SEMA5A: variants seen among roughly 807,000 people sequenced by gnomAD.
The protein encoded by SEMA5A is semaphorin 5A, also known as semaphorin-5A.
A neutral mutation model predicts 135.5 loss-of-function variants in SEMA5A; 55 were observed. That is an observed-to-expected ratio of 0.41 (90% CI 0.33 to 0.51). The LOEUF is 0.51. Ranked by LOEUF, SEMA5A falls within the 20% of genes least tolerant of loss-of-function variation. SEMA5A has a pLI of 0.37. For missense variants in SEMA5A, 1,290 were observed against 1,419.9 expected, an observed-to-expected ratio of 0.91 and a Z score of 1.47; for synonymous variants, 580 against 546.5, an observed-to-expected ratio of 1.06 and a Z score of -0.85.
chr5:9,164,340 A>G (rs1316281703), intron 11 of SEMA5A, among the ~76,000 whole-genome samples: 2 of 146,756 alleles, frequency 1.4e-5, no homozygotes, highest in Non-Finnish European at 3.0e-5. Context: ...GGATATAGAA[A>G]TAATAGATTC....
chr5:9,403,984 G>C (rs947308660), intron 2 of SEMA5A, among the ~76,000 whole-genome samples: 2 of 152,170 alleles, frequency 1.3e-5, no homozygotes, highest in Non-Finnish European at 2.9e-5. Flanking sequence ...GCCCAGGCTG[G>C]AGTACAGTGG....
rs1398289601 is a variant in SEMA5A at position 9,122,702 on chromosome 5, C to G, written c.1735G>C (p.Gly579Arg). Residue 579 changes from glycine to arginine, a missense_variant, in exon 14 of 23, where the codon GGC becomes CGC. By Grantham distance (125) the Gly-to-Arg change is moderately radical. Transcript: ENST00000382496. ...ATGCCAGGGCCCTCGCACTGCCAGC[C>G]ACCACACTGCGGGGCCGGGCTGTCG... Reference protein sequence around the residue: ...SCDSPAPQCGGWQCEGPGMEI... With the variant: ...SCDSPAPQCGRWQCEGPGMEI... 1 of 1,612,494 alleles carries G rather than the reference C, an allele frequency of 6.2e-7. No homozygotes were observed. Among genetic ancestry groups the G allele is most frequent in the South Asian group, 1.1e-5 (1 of 90,882 alleles).
intron 1 of SEMA5A, among the ~76,000 whole-genome samples, chr5:9,492,139 G>A (rs1014920342): frequency 1.5e-4 from 23 of 152,168 alleles, no homozygotes; most frequent in African/African-American, 5.5e-4. Context: ...ATAAGCAATG[G>A]AGCTCGTATT....
At chr5:9,299,195 C>T (rs113761812) in intron 5 of SEMA5A, among the ~76,000 whole-genome samples, 1 of 152,126 alleles carries the variant, frequency 6.6e-6, no homozygotes, top group African/African-American at 2.4e-5. Context: ...TAGAGATCAT[C>T]TATTCATCTG....
At chr5:9,335,858 T>C (rs1753367395) in intron 4 of SEMA5A, among the ~76,000 whole-genome samples, 1 of 152,188 alleles carries the variant, frequency 6.6e-6, no homozygotes. Flanking sequence ...TCTTTGAGCT[T>C]CTATAAGCAG....
At chr5:9,205,756 G>A in intron 8 of SEMA5A, among the ~76,000 whole-genome samples, 1 of 152,174 alleles carries the variant, frequency 6.6e-6, no homozygotes, top group South Asian at 2.1e-4. Flanking sequence ...GGTCATGTTG[G>A]TCAGGGAGTG....
intron 11 of SEMA5A, among the ~76,000 whole-genome samples, chr5:9,173,254 C>A (rs1303334531): frequency 2.0e-5 from 3 of 148,216 alleles, no homozygotes; most frequent in African/African-American, 7.5e-5. Context: ...AAATTCCAGA[C>A]AGGGAAAGTT....
intron 8 of SEMA5A, among the ~76,000 whole-genome samples, chr5:9,222,187 C>T (rs147530878): frequency 2.1e-3 from 320 of 152,264 alleles, no homozygotes; most frequent in African/African-American, 7.2e-3. Flanking sequence ...CCAATTAGGC[C>T]AGGAAGGATA....
At chr5:9,193,897 A>AAAAAC (rs1274416484) in intron 10 of SEMA5A, among the ~76,000 whole-genome samples, 3 of 152,192 alleles carry the variant, frequency 2.0e-5, no homozygotes, top group African/African-American at 7.2e-5. Flanking sequence ...ACTCTGTCTC[A>AAAAAC]AAAACAAAAC....
intron 18 of SEMA5A, among the ~76,000 whole-genome samples, chr5:9,060,188 A>G (rs2150061152): frequency 6.6e-6 from 1 of 152,354 alleles, no homozygotes; most frequent in Middle Eastern, 3.4e-3. Flanking sequence ...AACACTCTGC[A>G]GAATCTTGGC....
At chr5:9,413,248 G>T (rs1289063585) in intron 2 of SEMA5A, among the ~76,000 whole-genome samples, 1 of 152,134 alleles carries the variant, frequency 6.6e-6, no homozygotes, top group Non-Finnish European at 1.5e-5. Flanking sequence ...AGGAGAATGG[G>T]CGTTACTTAA....
intron 4 of SEMA5A, among the ~76,000 whole-genome samples, chr5:9,333,136 C>T (rs1160837151): frequency 6.6e-6 from 1 of 152,156 alleles, no homozygotes. Flanking sequence ...AGAAAATTCA[C>T]ATTTTAGAAA....
chr5:9,537,864 T>TG lies in SEMA5A; in HGVS notation c.-175+7719dup, dbSNP rs1737853415. ...TCTATTACCAGTGGAGAAATGCATA[T>TG]GAGTGCTAAAGGCCAGCTAGCCTGG... On this transcript the variant is annotated intron_variant, in intron 1 of 22. Transcript: ENST00000382496. 2.0e-5 allele frequency among the ~76,000 whole-genome samples: 3 copies of TG among 152,208 alleles called. No homozygotes were observed. In the South Asian group the frequency reaches 6.2e-4, roughly 31 times the overall value.
chr5:9,193,309 C>A (rs1356059299), intron 10 of SEMA5A, among the ~76,000 whole-genome samples: 1 of 152,102 alleles, frequency 6.6e-6, no homozygotes, highest in Non-Finnish European at 1.5e-5. Flanking sequence ...GTTCACCATG[C>A]AAGAAGAAAA....
At chr5:9,419,428 A>T (rs546617442) in intron 2 of SEMA5A, among the ~76,000 whole-genome samples, 2 of 152,288 alleles carry the variant, frequency 1.3e-5, no homozygotes, top group South Asian at 2.1e-4. Context: ...AAGGGGAAAG[A>T]TAGAGGAAGG....
At chr5:9,230,333 A>G (rs1747559920) in intron 6 of SEMA5A, among the ~76,000 whole-genome samples, 1 of 151,838 alleles carries the variant, frequency 6.6e-6, no homozygotes, top group South Asian at 2.1e-4. Flanking sequence ...ACCACTCTCA[A>G]GGTTGACGAA....
rs1742039213 is a variant in SEMA5A at position 9,141,011 on chromosome 5, T to A, written c.1482-4390A>T. Among the ~76,000 whole-genome samples the A allele has an allele frequency of 4.6e-5, 7 of 152,206 alleles. No homozygotes were observed. In the South Asian group the frequency reaches 1.4e-3, roughly 31 times the overall value. On this transcript the variant is annotated intron_variant, in intron 12 of 22. Transcript: ENST00000382496. Reference sequence around the variant, plus strand: ...TCTTTCTTCTGATGATTCCAATGGTTCTGCACGTTCTTAACATTACACTTA... The same window carrying A: ...TCTTTCTTCTGATGATTCCAATGGTACTGCACGTTCTTAACATTACACTTA...
intron 10 of SEMA5A, among the ~76,000 whole-genome samples, chr5:9,195,932 C>A (rs533982436): frequency 6.6e-6 from 1 of 152,236 alleles, no homozygotes. Flanking sequence ...ATCTGAGGAC[C>A]GAGGTTGGAA....
chr5:9,336,460 C>T (rs1168611726), intron 4 of SEMA5A, among the ~76,000 whole-genome samples: 2 of 152,070 alleles, frequency 1.3e-5, no homozygotes, highest in South Asian at 2.1e-4. Context: ...AAACACAGGC[C>T]GAACTCCAAG....
Sources: gnomAD v4.1 joint callset for allele counts (sites outside exome capture counted in the v4.1 genomes callset) on GRCh38, gnomAD v4.1.1 for gene constraint, MANE v1.5 for transcripts, NCBI Gene and HGNC (gene_info 2026-07-23, HGNC 2026-07-21) for gene names.